Variants in SYT1 observed in about 807,000 individuals in gnomAD.
SYT1 encodes the protein synaptotagmin-1.
In SYT1, 8 loss-of-function variants were observed where a neutral mutation model predicts 44.8. The ratio of observed to expected loss-of-function variants is 0.18; its 90% CI spans 0.10 to 0.32. The LOEUF (loss-of-function observed/expected upper bound fraction) is 0.32, where lower values mean the gene tolerates loss of function less well. Among genes scored for constraint, SYT1 ranks in the 10% least tolerant of loss-of-function variants. The pLI is 1.00. For missense variants in SYT1, 286 were observed against 509.3 expected, an observed-to-expected ratio of 0.56 and a Z score of 4.22; for synonymous variants, 154 against 188.8, an observed-to-expected ratio of 0.82 and a Z score of 1.51.
chr12:79,178,451 C>A (rs950750318), intron 3 of SYT1, among the ~76,000 whole-genome samples: 9 of 152,052 alleles, frequency 5.9e-5, no homozygotes, highest in Non-Finnish European at 1.0e-4. Context: ...AGATTTGGGG[C>A]ATGTTCTTAC....
intron 4 of SYT1, among the ~76,000 whole-genome samples, chr12:79,227,015 C>A (rs1875560862): frequency 6.6e-6 from 1 of 152,110 alleles, no homozygotes; most frequent in Admixed American, 6.6e-5. Context: ...TGAACTAAAT[C>A]TTGGCTATCT....
chr12:79,140,906 C>G (rs1027602253), intron 3 of SYT1, among the ~76,000 whole-genome samples: 1 of 152,160 alleles, frequency 6.6e-6, no homozygotes, highest in African/African-American at 2.4e-5. Context: ...GTCCTCTAGT[C>G]ACTACCTCAC....
At chr12:79,427,875 A>T (rs1479889335) in intron 9 of SYT1, among the ~76,000 whole-genome samples, 1 of 152,234 alleles carries the variant, frequency 6.6e-6, no homozygotes, top group Non-Finnish European at 1.5e-5. Context: ...TCTAGCTCAG[A>T]CATGTCTGCA....
At position 78,978,658 on chromosome 12, in the gene SYT1, G is replaced by T. The variant is rs147744564; in HGVS notation, c.-84+727G>T. On this transcript the variant is annotated intron_variant, in intron 2 of 10. Transcript: ENST00000261205. ...ACACAATTCTATGAAGTAAACGTGA[G>T]GTGATTAGATTATCTCATGATCTTT... Among the ~76,000 whole-genome samples, 681 of 152,266 alleles carry T rather than the reference G, an allele frequency of 4.5e-3. 5 individuals are homozygous for T. Among genetic ancestry groups the T allele is most frequent in the African/African-American group, 0.015 (632 of 41,558 alleles).
In SYT1 at chr12:79,033,674, T is replaced by C. The variant is rs538629150; in HGVS notation, c.-83-13623T>C. On this transcript the variant is annotated intron_variant, in intron 2 of 10. Transcript: ENST00000261205. ...TCATAAGTACTCCAACTTCCGAACATCTAAATCTAAGAACTAGCTTTTAAA... is the reference window on the plus strand; with the variant it reads ...TCATAAGTACTCCAACTTCCGAACACCTAAATCTAAGAACTAGCTTTTAAA... Among the ~76,000 whole-genome samples the C allele has an allele frequency of 2.0e-5, 3 of 151,556 alleles. No homozygotes were observed. In the East Asian group the frequency reaches 5.8e-4, roughly 30 times the overall value.
intron 3 of SYT1, among the ~76,000 whole-genome samples, chr12:79,187,997 G>A (rs1444747707): frequency 6.6e-6 from 1 of 152,046 alleles, no homozygotes; most frequent in East Asian, 1.9e-4. Flanking sequence ...CAAGACTTGG[G>A]AAAGAAACAC....
intron 4 of SYT1, among the ~76,000 whole-genome samples, chr12:79,282,884 T>G (rs1441139654): frequency 6.6e-6 from 1 of 152,160 alleles, no homozygotes; most frequent in Non-Finnish European, 1.5e-5. Context: ...AACAGGTAGG[T>G]AGGTCTTCAA....
intron 1 of SYT1, among the ~76,000 whole-genome samples, chr12:78,902,512 G>A (rs1013368993): frequency 2.0e-5 from 3 of 151,880 alleles, no homozygotes; most frequent in Admixed American, 6.6e-5. Context: ...AATATAAACT[G>A]AAAATATGGA....
chr12:79,203,518 C>T (rs1165404981), intron 3 of SYT1, among the ~76,000 whole-genome samples: 3 of 152,134 alleles, frequency 2.0e-5, no homozygotes, highest in Non-Finnish European at 1.5e-5. Context: ...TATGCCCTTG[C>T]CTAAACCAAC....
intron 9 of SYT1, 69 bp from the exon 10 acceptor site, chr12:79,444,004 A>G (rs1565960554): frequency 6.5e-7 from 1 of 1,544,092 alleles, no homozygotes. Flanking sequence ...TAGTTCTTTT[A>G]TAAGCTAACT....
chr12:79,412,793 C>T (rs1868510618), intron 9 of SYT1, among the ~76,000 whole-genome samples: 2 of 152,100 alleles, frequency 1.3e-5, no homozygotes, highest in African/African-American at 2.4e-5. Context: ...GAAAAATTAA[C>T]GTTTTACATT....
chr12:78,896,475 T>A (rs1454049997), intron 1 of SYT1, among the ~76,000 whole-genome samples: 1 of 151,588 alleles, frequency 6.6e-6, no homozygotes, highest in Admixed American at 6.6e-5. Context: ...GGAAAAAAAA[T>A]TTATCTCCTA....
intron 3 of SYT1, among the ~76,000 whole-genome samples, chr12:79,180,390 A>G (rs1234015450): frequency 6.6e-6 from 1 of 152,080 alleles, no homozygotes; most frequent in Non-Finnish European, 1.5e-5. Context: ...AAGCCTCAAC[A>G]TATGTAATCA....
chr12:79,213,615 G>A (rs1874598684), intron 3 of SYT1, among the ~76,000 whole-genome samples: 1 of 152,174 alleles, frequency 6.6e-6, no homozygotes, highest in Non-Finnish European at 1.5e-5. Context: ...AGCAAACTAT[G>A]TACATAAAAG....
intron 8 of SYT1, among the ~76,000 whole-genome samples, chr12:79,352,188 C>A (rs866729513): frequency 2.3e-5 from 3 of 128,920 alleles, no homozygotes; most frequent in African/African-American, 9.2e-5. Flanking sequence ...ATGAATACAC[C>A]CCCCCCCCAA....
chr12:79,132,732 C>G (rs914849023), intron 3 of SYT1, among the ~76,000 whole-genome samples: 1 of 139,060 alleles, frequency 7.2e-6, no homozygotes, highest in Non-Finnish European at 1.5e-5. Flanking sequence ...TGAGATCCAG[C>G]AATCTCAATA....
chr12:79,092,319 T>C (rs1877832104), intron 3 of SYT1, among the ~76,000 whole-genome samples: 1 of 151,846 alleles, frequency 6.6e-6, no homozygotes, highest in Admixed American at 6.6e-5. Context: ...ATGTTTCCAA[T>C]TGTGTCCTAT....
chr12:79,141,235 A>G (rs1365667725), intron 3 of SYT1, among the ~76,000 whole-genome samples: 4 of 152,112 alleles, frequency 2.6e-5, no homozygotes, highest in Admixed American at 2.0e-4. Context: ...CAGTCTATAC[A>G]TTGGTACATT....
At chr12:78,907,803 G>C (rs912484207) in intron 1 of SYT1, among the ~76,000 whole-genome samples, 1 of 151,906 alleles carries the variant, frequency 6.6e-6, no homozygotes. Flanking sequence ...AACCAAAAAA[G>C]CATCATCAAA....
Sources: allele counts gnomAD v4.1 joint callset (sites outside exome capture counted in the v4.1 genomes callset), GRCh38; gene constraint gnomAD v4.1.1; transcripts MANE v1.5; gene names NCBI Gene and HGNC (gene_info 2026-07-23, HGNC 2026-07-21).